FSHR: variants seen among roughly 807,000 people sequenced by gnomAD.
FSHR encodes follicle-stimulating hormone receptor.
A neutral mutation model predicts 52.1 loss-of-function variants in FSHR; 46 were observed. That is an observed-to-expected ratio of 0.88 (90% CI 0.70 to 1.13). FSHR has a LOEUF of 1.13. FSHR is among the 50% of genes most tolerant of loss of function. The pLI, the probability that FSHR is intolerant of heterozygous loss-of-function variation, is 0.00. For missense variants in FSHR, 964 were observed against 834.6 expected, an observed-to-expected ratio of 1.16 and a Z score of -1.91; for synonymous variants, 399 against 309.6, an observed-to-expected ratio of 1.29 and a Z score of -3.03.
chr2:49,144,298 A>G (rs554087616), intron 1 of FSHR, among the ~76,000 whole-genome samples: 35 of 152,266 alleles, frequency 2.3e-4, no homozygotes, highest in Admixed American at 1.3e-4. Flanking sequence ...TGCTGCGGCT[A>G]TTGTTGCTCT....
chr2:49,103,078 G>A (rs1223808280), intron 1 of FSHR, among the ~76,000 whole-genome samples: 1 of 152,062 alleles, frequency 6.6e-6, no homozygotes, highest in Non-Finnish European at 1.5e-5. Flanking sequence ...TGTATTGTAT[G>A]TATATCTGTT....
At chr2:49,144,824 C>G (rs184158026) in intron 1 of FSHR, among the ~76,000 whole-genome samples, 33 of 152,212 alleles carry the variant, frequency 2.2e-4, no homozygotes, top group African/African-American at 7.9e-4. Flanking sequence ...AGTGATCATT[C>G]TTTTGCATTT....
At chr2:49,073,171 C>T (rs1441914430) in intron 1 of FSHR, among the ~76,000 whole-genome samples, 1 of 152,016 alleles carries the variant, frequency 6.6e-6, no homozygotes, top group Non-Finnish European at 1.5e-5. Flanking sequence ...CCCACTCTTA[C>T]CACTTTTATT....
chr2:48,981,451 T>A (rs1419350979), intron 8 of FSHR, among the ~76,000 whole-genome samples: 1 of 152,212 alleles, frequency 6.6e-6, no homozygotes, highest in African/African-American at 2.4e-5. Flanking sequence ...TTTGGCCATT[T>A]TTTTTAGGTG....
chr2:48,968,273 A>C (rs1674568013), intron 9 of FSHR, among the ~76,000 whole-genome samples: 1 of 152,206 alleles, frequency 6.6e-6, no homozygotes, highest in African/African-American at 2.4e-5. Flanking sequence ...AGATATGTAC[A>C]TCAGTCTCTG....
At chr2:49,012,987 GT>G (rs1250389192) in intron 4 of FSHR, among the ~76,000 whole-genome samples, 1 of 152,100 alleles carries the variant, frequency 6.6e-6, no homozygotes, top group African/African-American at 2.4e-5. Context: ...GAGGTCATAA[GT>G]GTAGGGCCCT....
chr2:48,976,093 G>T (rs1296850456), intron 8 of FSHR, among the ~76,000 whole-genome samples: 1 of 152,116 alleles, frequency 6.6e-6, no homozygotes, highest in Non-Finnish European at 1.5e-5. Context: ...TCCAGTTTTT[G>T]CCCATTCAGT....
intron 2 of FSHR, among the ~76,000 whole-genome samples, chr2:49,052,606 A>G (rs932785338): frequency 6.6e-6 from 1 of 152,178 alleles, no homozygotes; most frequent in Non-Finnish European, 1.5e-5. Flanking sequence ...GAACCACTCA[A>G]CGTCATTTCC....
intron 1 of FSHR, among the ~76,000 whole-genome samples, chr2:49,085,028 T>C (rs74970974): frequency 0.52 from 79,363 of 151,466 alleles, 21,345 homozygotes; most frequent in East Asian, 0.78. Flanking sequence ...CAAAGCCTGG[T>C]AGAGACACAA....
At chr2:49,099,752 T>A (rs1207125027) in intron 1 of FSHR, among the ~76,000 whole-genome samples, 1 of 152,122 alleles carries the variant, frequency 6.6e-6, no homozygotes, top group Non-Finnish European at 1.5e-5. Flanking sequence ...TGCCAAAGAT[T>A]GCTGGCCATC....
intron 1 of FSHR, among the ~76,000 whole-genome samples, chr2:49,111,764 G>C (rs1331410084): frequency 6.6e-6 from 1 of 152,120 alleles, no homozygotes; most frequent in African/African-American, 2.4e-5. Context: ...TAATGGCTTA[G>C]TTGGCAGGGA....
intron 4 of FSHR, among the ~76,000 whole-genome samples, chr2:49,014,052 A>G (rs1019870076): frequency 6.6e-6 from 1 of 152,132 alleles, no homozygotes; most frequent in Non-Finnish European, 1.5e-5. Flanking sequence ...AGAACTGGCC[A>G]GCTGGCATCC....
intron 1 of FSHR, among the ~76,000 whole-genome samples, chr2:49,110,982 G>T (rs1252861355): frequency 6.6e-6 from 1 of 152,132 alleles, no homozygotes; most frequent in Admixed American, 6.5e-5. Flanking sequence ...TTCTTCAAAT[G>T]GAACCTTATT....
At position 49,011,549 on chromosome 2, in the gene FSHR, T is replaced by C. The variant is rs566139664; in HGVS notation, c.374+5940A>G. Among the ~76,000 whole-genome samples, 18 of 152,304 alleles carry C rather than the reference T, an allele frequency of 1.2e-4. No homozygotes were observed. The East Asian group carries it at 3.5e-3, about 29-fold the overall frequency. Reference sequence around the variant, plus strand: ...TTCTGTAGATGTCTATTAGGTCCGCTTGGTGCAGAGCTGAGTTCAATTCCT... The same window carrying C: ...TTCTGTAGATGTCTATTAGGTCCGCCTGGTGCAGAGCTGAGTTCAATTCCT... On this transcript the variant is annotated intron_variant, in intron 4 of 9. Coordinates refer to ENST00000406846, the MANE Select transcript of FSHR (RefSeq NM_000145.4).
intron 1 of FSHR, among the ~76,000 whole-genome samples, chr2:49,091,625 C>G (rs950154389): frequency 6.6e-6 from 1 of 152,232 alleles, no homozygotes; most frequent in East Asian, 1.9e-4. Flanking sequence ...AACATATGCT[C>G]CAGTGCTATT....
intron 1 of FSHR, among the ~76,000 whole-genome samples, chr2:49,140,499 A>C (rs1672643208): frequency 6.6e-6 from 1 of 152,122 alleles, no homozygotes; most frequent in South Asian, 2.1e-4. Context: ...TAAATTACCC[A>C]GTCTCAGGTA....
chr2:49,059,725 A>G (rs1227738282), intron 2 of FSHR: 1 of 152,276 alleles, frequency 6.6e-6, no homozygotes, highest in Admixed American at 6.5e-5. Context: ...AACATGGATC[A>G]AATTCCTAAA....
intron 4 of FSHR, among the ~76,000 whole-genome samples, chr2:49,011,798 C>T (rs1247249484): frequency 1.3e-5 from 2 of 152,090 alleles, no homozygotes; most frequent in Non-Finnish European, 2.9e-5. Flanking sequence ...TGAGCTGCCT[C>T]TTGACTCCCT....
At chr2:48,968,106 T>A (rs1443005677) in intron 9 of FSHR, among the ~76,000 whole-genome samples, 1 of 152,208 alleles carries the variant, frequency 6.6e-6, no homozygotes, top group Non-Finnish European at 1.5e-5. Flanking sequence ...TACTAAGACT[T>A]GTCTCTGTTT....
Sources: gnomAD v4.1 joint callset for allele counts (sites outside exome capture counted in the v4.1 genomes callset) on GRCh38, gnomAD v4.1.1 for gene constraint, MANE v1.5 for transcripts, NCBI Gene and HGNC (gene_info 2026-07-23, HGNC 2026-07-21) for gene names.